The following CDC42SE2 variants were observed in gnomAD, a reference collection of about 807,000 sequenced individuals.
CDC42SE2 encodes CDC42 small effector protein 2.
CDC42SE2 carries 3 observed loss-of-function variants against 11.5 expected under a neutral mutation model. That is an observed-to-expected ratio of 0.26 (90% CI 0.12 to 0.67). CDC42SE2 has a LOEUF of 0.67. CDC42SE2 is among the 30% of genes least tolerant of loss of function. The probability of loss-of-function intolerance (pLI) is 0.80; values close to 1 mark genes in which losing one functional copy is unlikely to be tolerated. For synonymous variants in CDC42SE2, 33 were observed against 34.8 expected, an observed-to-expected ratio of 0.95 and a Z score of 0.18; for missense variants, 82 against 106.8, an observed-to-expected ratio of 0.77 and a Z score of 1.02.
chr5:131,248,520 G>C (rs1020631154), intron 1 of CDC42SE2, among the ~76,000 whole-genome samples: 2 of 152,276 alleles, frequency 1.3e-5, no homozygotes, highest in Admixed American at 6.5e-5. Context: ...GTCCTAACAA[G>C]TACAGAGGCA....
At chr5:131,307,236 TC>T in intron 1 of CDC42SE2, among the ~76,000 whole-genome samples, 1 of 106,400 alleles carries the variant, frequency 9.4e-6, no homozygotes, top group Non-Finnish European at 1.7e-5. Flanking sequence ...CCGACAACAG[TC>T]CCCAGAGTGT....
At chr5:131,342,388 C>CTTTTTTTTTTTTTTGTTTTTTTTTTTTT (rs1758732561) in intron 2 of CDC42SE2, among the ~76,000 whole-genome samples, 1 of 111,334 alleles carries the variant, frequency 9.0e-6, no homozygotes, top group African/African-American at 4.4e-5. Context: ...TTTTAATAGT[C>CTTTTTTTTTTTTTTGTTTTTTTTTTTTT]TTTTTTTTTT....
chr5:131,297,721 A>AAAAT (rs148423106), intron 1 of CDC42SE2, among the ~76,000 whole-genome samples: 2 of 151,830 alleles, frequency 1.3e-5, no homozygotes, highest in African/African-American at 2.4e-5. Flanking sequence ...CTCCATTTCA[A>AAAAT]AAATAAATAA....
At chr5:131,367,364 T>G (rs903835952) in intron 3 of CDC42SE2, among the ~76,000 whole-genome samples, 4 of 152,186 alleles carry the variant, frequency 2.6e-5, no homozygotes, top group Non-Finnish European at 5.9e-5. Flanking sequence ...GTAGCATATA[T>G]ATCTAAAAGT....
chr5:131,237,732 C>T, the CDC42SE2 span, among the ~76,000 whole-genome samples: 1 of 152,056 alleles, frequency 6.6e-6, no homozygotes, highest in South Asian at 2.1e-4. Flanking sequence ...GGATTGTAGG[C>T]GCTCACCACC....
At chr5:131,347,140 C>T (rs1475079241) in intron 2 of CDC42SE2, among the ~76,000 whole-genome samples, 1 of 152,086 alleles carries the variant, frequency 6.6e-6, no homozygotes, top group African/African-American at 2.4e-5. Context: ...CAAGAAATAA[C>T]TAAGATCAGA....
chr5:131,267,223 T>A (rs1215779656), intron 1 of CDC42SE2, among the ~76,000 whole-genome samples: 1 of 151,938 alleles, frequency 6.6e-6, no homozygotes, highest in Non-Finnish European at 1.5e-5. Context: ...CCCGGCTAAT[T>A]TTTGTATTTT....
intron 1 of CDC42SE2, among the ~76,000 whole-genome samples, chr5:131,315,196 T>G (rs1162653265): frequency 1.3e-5 from 2 of 152,080 alleles, no homozygotes; most frequent in East Asian, 3.8e-4. Context: ...GTCTACTGTG[T>G]TAAGGCTTAT....
intron 1 of CDC42SE2, among the ~76,000 whole-genome samples, chr5:131,249,686 G>A (rs1278080096): frequency 1.3e-5 from 2 of 152,168 alleles, no homozygotes; most frequent in South Asian, 4.1e-4. Context: ...GAGAACTTTT[G>A]TTCGACAGCT....
chr5:131,381,660 A>C (rs896442166), intron 3 of CDC42SE2, among the ~76,000 whole-genome samples: 5 of 152,188 alleles, frequency 3.3e-5, no homozygotes, highest in Non-Finnish European at 5.9e-5. Flanking sequence ...TACTTCTTGA[A>C]TCTATCCACT....
chr5:131,357,926 C>T (rs1749599181), intron 2 of CDC42SE2, among the ~76,000 whole-genome samples: 1 of 152,206 alleles, frequency 6.6e-6, no homozygotes, highest in South Asian at 2.1e-4. Flanking sequence ...TTTCCTATCT[C>T]AGTGGCAGTT....
rs192852705 is a variant in CDC42SE2, at chr5:131,247,539, A to T, written n.107+1940A>T. On this transcript the variant is annotated intron_variant and non_coding_transcript_variant, in intron 1 of 3. Transcript: ENST00000502840. ...GAGGCTGAGGCAAGAGAATCACTTGAACCCGGGAGGTGGAAGCTGCAGTGA... is the reference window on the plus strand; with the variant it reads ...GAGGCTGAGGCAAGAGAATCACTTGTACCCGGGAGGTGGAAGCTGCAGTGA... 5.4e-4 allele frequency among the ~76,000 whole-genome samples: 82 copies of T among 152,208 alleles called. 1 individual carries two copies. Among genetic ancestry groups the T allele is most frequent in the Non-Finnish European group, 9.1e-4 (62 of 68,008 alleles).
chr5:131,232,706 C>T, the CDC42SE2 span, among the ~76,000 whole-genome samples: 1 of 141,626 alleles, frequency 7.1e-6, no homozygotes, highest in South Asian at 2.2e-4. Context: ...TGCACTCCAG[C>T]CTGGGAAACA....
chr5:131,378,800 T>G (rs1331938385), intron 3 of CDC42SE2, among the ~76,000 whole-genome samples: 1 of 152,184 alleles, frequency 6.6e-6, no homozygotes, highest in Non-Finnish European at 1.5e-5. Flanking sequence ...AGTTCCATAC[T>G]GACTTTTGCA....
intron 2 of CDC42SE2, among the ~76,000 whole-genome samples, chr5:131,345,695 T>A (rs1400580471): frequency 1.3e-5 from 2 of 152,038 alleles, no homozygotes; most frequent in African/African-American, 4.8e-5. Flanking sequence ...GACACATAAT[T>A]GTCAGATTCA....
chr5:131,384,708 G>A (rs1008632751), intron 3 of CDC42SE2, among the ~76,000 whole-genome samples: 1 of 151,970 alleles, frequency 6.6e-6, no homozygotes, highest in Non-Finnish European at 1.5e-5. Context: ...TGAGCATATT[G>A]GTCAGAACAG....
intron 2 of CDC42SE2, among the ~76,000 whole-genome samples, chr5:131,319,779 C>T (rs1393625714): frequency 6.6e-6 from 1 of 152,026 alleles, no homozygotes; most frequent in East Asian, 1.9e-4. Context: ...AGGCCAGGCA[C>T]GGTGGCTCAC....
intron 1 of CDC42SE2, among the ~76,000 whole-genome samples, chr5:131,273,696 C>A (rs1757041665): frequency 6.6e-6 from 1 of 151,294 alleles, no homozygotes. Context: ...TGGTGTGAAC[C>A]CAGGAGGCGG....
In CDC42SE2 at chr5:131,306,672, G is replaced by A. The variant is rs148415509; in HGVS notation, c.-454-9304G>A. ...AGAGATTGCATTGAATCTGTAAATTGCTTTGGGTATTGTAGGCATTTTAAC... is the reference window on the plus strand; with the variant it reads ...AGAGATTGCATTGAATCTGTAAATTACTTTGGGTATTGTAGGCATTTTAAC... On this transcript the variant is annotated intron_variant, in intron 1 of 4. Transcript: ENST00000505065. Among the ~76,000 whole-genome samples, 880 of 152,222 alleles carry A rather than the reference G, an allele frequency of 5.8e-3. 4 individuals are homozygous for A. The highest frequency in any genetic ancestry group is 0.01 in the Middle Eastern group (3 of 294).
Sources: allele counts gnomAD v4.1 joint callset (sites outside exome capture counted in the v4.1 genomes callset), GRCh38; gene constraint gnomAD v4.1.1; transcripts MANE v1.5; gene names NCBI Gene and HGNC (gene_info 2026-07-23, HGNC 2026-07-21).